NLRP9: variants seen among roughly 807,000 people sequenced by gnomAD.
The protein encoded by NLRP9 is NLR family pyrin domain containing 9.
A neutral mutation model predicts 83.1 loss-of-function variants in NLRP9; 88 were observed. That is an observed-to-expected ratio of 1.06 (90% CI 0.89 to 1.26). NLRP9 has a LOEUF of 1.26. Ranked by LOEUF, NLRP9 falls within the 50% of genes most tolerant of loss-of-function variation. The pLI, the probability that NLRP9 is intolerant of heterozygous loss-of-function variation, is 0.00. For synonymous variants in NLRP9, 521 were observed against 447.6 expected (o/e 1.16, Z -2.07); for missense variants, 1,308 against 1,179.3 (o/e 1.11, Z -1.60).
chr19:55,728,850 G>T (rs1988477184), intron 3 of NLRP9, among the ~76,000 whole-genome samples: 1 of 151,860 alleles, frequency 6.6e-6, no homozygotes, highest in African/African-American at 2.4e-5. Context: ...TGCTTACAGG[G>T]GTGAAGAGAA....
chr19:55,715,276 C>G, intron 5 of NLRP9, 51 bp from the exon 6 acceptor site: 7 of 1,508,130 alleles, frequency 4.6e-6, no homozygotes, highest in Non-Finnish European at 6.4e-6. Flanking sequence ...GTACATCATT[C>G]TGCAGAGAAA....
At chr19:55,737,471 C>T (rs8103725) in intron 1 of NLRP9, 3,225 of 152,466 alleles carry the variant, frequency 0.021, 83 homozygotes, top group African/African-American at 0.059. Flanking sequence ...GTCCTTCCAT[C>T]GCGGGCAGAA....
At chr19:55,718,571 GCA>G (rs1318794594) in intron 4 of NLRP9, among the ~76,000 whole-genome samples, 2 of 152,204 alleles carry the variant, frequency 1.3e-5, no homozygotes, top group Non-Finnish European at 2.9e-5. Context: ...TAGCCTACGT[GCA>G]CATACGGGCA....
At chr19:55,718,792 C>T (rs1433734272) in intron 4 of NLRP9, among the ~76,000 whole-genome samples, 2 of 152,216 alleles carry the variant, frequency 1.3e-5, no homozygotes, top group Non-Finnish European at 2.9e-5. Context: ...TGTTCTTTCT[C>T]TATACTTTGT....
intron 3 of NLRP9, among the ~76,000 whole-genome samples, chr19:55,728,754 T>G (rs1360147854): frequency 6.6e-6 from 1 of 152,170 alleles, no homozygotes; most frequent in African/African-American, 2.4e-5. Context: ...ATGTATAAGG[T>G]GCTTTGGGAG....
intron 6 of NLRP9, among the ~76,000 whole-genome samples, chr19:55,713,196 G>A (rs1381540640): frequency 6.6e-6 from 1 of 150,522 alleles, no homozygotes; most frequent in African/African-American, 2.4e-5. Context: ...TCACCTTTTT[G>A]GTGAGCCCTC....
chr19:55,733,351 G>A lies in NLRP9; in HGVS notation c.480C>T (p.Thr160=), dbSNP rs1276029452. The change falls in exon 2 of 9, where the codon ACC becomes ACT. Residue 160 remains threonine (T), a synonymous_variant. Coordinates refer to ENST00000332836, the MANE Select transcript of NLRP9 (RefSeq NM_176820.4). ...LEGPDGIGKT[T]LLRKVMLDWA... ...AGTCCAACATCACTTTTCTTAAAAG[G>A]GTTGTTTTTCCAATTCCATCAGGAC... 6.2e-7 allele frequency: 1 copy of A among 1,614,044 alleles called. No homozygotes were observed. Among genetic ancestry groups the A allele is most frequent in the East Asian group, 2.2e-5 (1 of 44,884 alleles).
At chr19:55,719,712 A>T (rs1198096635) in intron 4 of NLRP9, among the ~76,000 whole-genome samples, 1 of 152,238 alleles carries the variant, frequency 6.6e-6, no homozygotes, top group East Asian at 1.9e-4. Context: ...ATGGGAGAGA[A>T]GATGTAGCAG....
intron 3 of NLRP9, among the ~76,000 whole-genome samples, chr19:55,728,351 C>T (rs180835264): frequency 3.3e-5 from 5 of 152,104 alleles, no homozygotes; most frequent in East Asian, 1.9e-4. Flanking sequence ...CCGAGGCGGG[C>T]GCATCACAAG....
intron 3 of NLRP9, among the ~76,000 whole-genome samples, chr19:55,728,077 C>T (rs1988452774): frequency 6.6e-6 from 1 of 152,150 alleles, no homozygotes; most frequent in African/African-American, 2.4e-5. Flanking sequence ...GTGTCATCTA[C>T]CAGGGAAGCT....
At position 55,732,291 on chromosome 19, in the gene NLRP9, G is replaced by A. The variant is rs1988597361; in HGVS notation, c.1540C>T (p.Pro514Ser). 1 of 1,614,026 alleles carries A rather than the reference G, an allele frequency of 6.2e-7. No homozygotes were observed. The highest frequency in any genetic ancestry group is 1.3e-5 in the African/African-American group (1 of 74,914). The change falls in exon 2 of 9, where the codon CCA (proline) becomes TCA (serine). Residue 514 changes from proline (P) to serine (S), a missense_variant. Coordinates refer to ENST00000332836, the MANE Select transcript of NLRP9 (RefSeq NM_176820.4). Reference protein sequence around the residue: ...VSMLETSFGFPLSKDLKQEIT... With the variant: ...VSMLETSFGFSLSKDLKQEIT... ...TCCTGCTTTAGGTCTTTTGACAGTG[G>A]AAAACCAAAGGAGGTCTCCAGCATG... is the stretch of plus-strand genomic sequence containing the variant.
intron 3 of NLRP9, among the ~76,000 whole-genome samples, chr19:55,728,046 A>T (rs1988451718): frequency 6.6e-6 from 1 of 152,192 alleles, no homozygotes. Flanking sequence ...TCTAGCAACA[A>T]AATGTGAGAA....
intron 2 of NLRP9, among the ~76,000 whole-genome samples, chr19:55,730,237 T>C (rs1359949460): frequency 3.3e-5 from 5 of 152,164 alleles, no homozygotes; most frequent in Admixed American, 2.6e-4. Context: ...GAGAATCGCT[T>C]GAGCTTAGGA....
At chr19:55,711,459 T>G in intron 8 of NLRP9, 1 of 1,309,662 alleles carries the variant, frequency 7.6e-7, no homozygotes, top group East Asian at 5.1e-5. Flanking sequence ...TGGCGTTGCA[T>G]ATTTATGGGC....
intron 4 of NLRP9, 139 bp from the exon 5 acceptor site, chr19:55,717,037 T>TC (rs1178120589): frequency 1.6e-4 from 85 of 531,446 alleles, no homozygotes; most frequent in Non-Finnish European, 2.1e-4. Context: ...CTTTTTCTTT[T>TC]TTTTTTTTTT....
chr19:55,719,884 C>G (rs780440965), intron 4 of NLRP9, among the ~76,000 whole-genome samples: 5 of 152,088 alleles, frequency 3.3e-5, no homozygotes, highest in Non-Finnish European at 5.9e-5. Flanking sequence ...TTAAAATTAG[C>G]CAGAGACAAG....
Position 55,732,494 on chromosome 19 carries a change from A to G in NLRP9, c.1337T>C (p.Leu446Pro), listed in dbSNP as rs1186969472. The G allele has an allele frequency of 1.2e-6, 2 of 1,614,108 alleles. No individual in the cohort carries two copies. Among genetic ancestry groups the G allele is most frequent in the African/African-American group, 2.7e-5 (2 of 74,936 alleles). The change falls in exon 2 of 9, where the codon CTG becomes CCG. Residue 446 changes from leucine to proline, a missense_variant. Leu to Pro is a moderately conservative substitution (Grantham distance 98, BLOSUM62 -3). Coordinates refer to ENST00000332836, the MANE Select transcript of NLRP9 (RefSeq NM_176820.4). ...GGCGGCACAAAACTCTTGGATACAC[A>G]GATGCATGAAGGCAAAACAGTCCCC... ...RRGDCFAFMHLCIQEFCAAMF... is the reference protein window; with the variant it reads ...RRGDCFAFMHPCIQEFCAAMF...
At chr19:55,730,262 T>G (rs1371102754) in intron 2 of NLRP9, among the ~76,000 whole-genome samples, 1 of 152,116 alleles carries the variant, frequency 6.6e-6, no homozygotes, top group Non-Finnish European at 1.5e-5. Flanking sequence ...GAGGACGGCC[T>G]GGGCAACATA....
chr19:55,730,090 G>T, intron 2 of NLRP9, 98 bp from the exon 3 acceptor site: 1 of 1,098,290 alleles, frequency 9.1e-7, no homozygotes, highest in Non-Finnish European at 1.3e-6. Flanking sequence ...CCTCAAAGCT[G>T]ACAGACACCC....
Sources: allele counts gnomAD v4.1 joint callset (sites outside exome capture counted in the v4.1 genomes callset), GRCh38; gene constraint gnomAD v4.1.1; transcripts MANE v1.5; gene names NCBI Gene and HGNC (gene_info 2026-07-23, HGNC 2026-07-21).